The following TRPC4 variants were observed in gnomAD, a reference collection of about 807,000 sequenced individuals.
TRPC4 encodes transient receptor potential cation channel subfamily C member 4, also known as short transient receptor potential channel 4.
A neutral mutation model predicts 99.4 loss-of-function variants in TRPC4; 49 were observed. The observed-to-expected ratio is 0.49, with a 90% CI of 0.39 to 0.63. The LOEUF is 0.63. Ranked by LOEUF, TRPC4 falls within the 20% of genes least tolerant of loss-of-function variation. The probability of loss-of-function intolerance (pLI) is 0.00; values close to 1 mark genes in which losing one functional copy is unlikely to be tolerated. For missense variants in TRPC4, 898 were observed against 1,152.9 expected, an observed-to-expected ratio of 0.78 and a Z score of 3.20; for synonymous variants, 454 against 425.9, an observed-to-expected ratio of 1.07 and a Z score of -0.81.
intron 6 of TRPC4, among the ~76,000 whole-genome samples, chr13:37,655,843 T>C (rs1952211558): frequency 2.0e-5 from 3 of 152,176 alleles, no homozygotes; most frequent in Admixed American, 2.0e-4. Context: ...TGTCAATCTC[T>C]GTCCTAGGGC....
chr13:37,645,382 A>G (rs1246455201), intron 8 of TRPC4, among the ~76,000 whole-genome samples: 1 of 152,132 alleles, frequency 6.6e-6, no homozygotes, highest in African/African-American at 2.4e-5. Context: ...GTGAGCTGTG[A>G]CATTTTGTCA....
At chr13:37,665,862 A>G (rs2138708242) in intron 5 of TRPC4, among the ~76,000 whole-genome samples, 1 of 150,902 alleles carries the variant, frequency 6.6e-6, no homozygotes, top group African/African-American at 2.4e-5. Flanking sequence ...AAAAAAAAAA[A>G]ATACATAAGA....
Position 37,782,964 on chromosome 13 carries a change from C to A in TRPC4, c.370G>T (p.Glu124Ter). Reference protein sequence around the residue: ...LLLNHKKPSGEKQVPPILLDK... With the variant: ...LLLNHKKPSG ...TGTATTTTTGCAGGTACCTGTTTTT[C>A]TCCACTAGGTTTTTTGTGGTTCAAT... Residue 124 changes from glutamate to a stop codon, truncating the protein, a stop_gained, in exon 2 of 11, where the codon GAA becomes TAA. Transcript: ENST00000379705. LOFTEE classifies it high-confidence loss of function. 1 of 1,430,118 alleles carries A rather than the reference C, an allele frequency of 7.0e-7. No individual in the cohort carries two copies. Among genetic ancestry groups the A allele is most frequent in the South Asian group, 1.7e-5 (1 of 57,426 alleles). The allele number at this position is 1,430,118 out of a possible 1,614,324, so 88.6% of individuals were successfully genotyped here.
intron 1 of TRPC4, among the ~76,000 whole-genome samples, chr13:37,820,193 G>A (rs1319312475): frequency 2.6e-5 from 4 of 151,896 alleles, no homozygotes; most frequent in Non-Finnish European, 5.9e-5. Flanking sequence ...AGAAACCCTA[G>A]AAGAAATGGA....
At position 37,637,383 on chromosome 13, in the gene TRPC4, G is replaced by C; in HGVS notation, c.2454C>G (p.Ser818Arg). 1 of 1,613,592 alleles carries C rather than the reference G, an allele frequency of 6.2e-7. No homozygotes were observed. The highest frequency in any genetic ancestry group is 1.3e-5 in the African/African-American group (1 of 74,914). The change falls in exon 11 of 11, where the codon AGC (serine) becomes AGG (arginine). Residue 818 changes from serine to arginine, a missense_variant. Transcript: ENST00000379705. ...AAIASERHNI[S>R]NGSALVVQEP... ...CCTGAACCACCAGGGCAGAGCCATT[G>C]CTTATGTTATGTCTTTCAGAGGCAA...
intron 4 of TRPC4, among the ~76,000 whole-genome samples, chr13:37,684,735 T>A (rs1024314289): frequency 4.0e-5 from 6 of 151,584 alleles, no homozygotes; most frequent in Admixed American, 6.6e-5. Flanking sequence ...CTGAACATTT[T>A]AAAAATAAAT....
At chr13:37,722,586 T>C (rs1220680538) in intron 3 of TRPC4, among the ~76,000 whole-genome samples, 1 of 152,208 alleles carries the variant, frequency 6.6e-6, no homozygotes, top group Non-Finnish European at 1.5e-5. Context: ...GGCCATCAAA[T>C]ACCTTGTTTT....
chr13:37,757,641 AAC>A (rs145156899), intron 2 of TRPC4, among the ~76,000 whole-genome samples: 57 of 150,456 alleles, frequency 3.8e-4, no homozygotes, highest in Admixed American at 1.2e-3. Flanking sequence ...AATAAATCAC[AAC>A]ACACACACAC....
At chr13:37,639,760 T>TAA (rs1951658188) in intron 8 of TRPC4, among the ~76,000 whole-genome samples, 1 of 150,696 alleles carries the variant, frequency 6.6e-6, no homozygotes, top group Non-Finnish European at 1.5e-5. Flanking sequence ...TATATATATA[T>TAA]AATATCAATC....
rs1952037097 is a variant in TRPC4 at position 37,651,370 on chromosome 13, A to G, written c.1974T>C (p.Asn658=). 1.2e-6 allele frequency: 2 copies of G among 1,614,124 alleles called. No homozygotes were observed. Among genetic ancestry groups the G allele is most frequent in the Non-Finnish European group, 8.5e-7 (1 of 1,179,984 alleles). ...AGAGAGACTTGGGGCTCGGGATGAC[A>G]TTGAAGGGAGTAGGCAGAGTACCTC... ...EEGGTLPTPF[N]VIPSPKSLWY... is the part of the protein sequence containing the mutation. Residue 658 remains asparagine, a synonymous_variant, in exon 8 of 11, where the codon AAT becomes AAC. Transcript: ENST00000379705.
chr13:37,779,190 A>G (rs539637583), intron 2 of TRPC4, among the ~76,000 whole-genome samples: 1 of 152,224 alleles, frequency 6.6e-6, no homozygotes, highest in Non-Finnish European at 1.5e-5. Flanking sequence ...GAAGACATCT[A>G]AGCTCTGCTA....
chr13:37,787,295 A>G (rs941937468), intron 1 of TRPC4, among the ~76,000 whole-genome samples: 2 of 152,018 alleles, frequency 1.3e-5, no homozygotes, highest in African/African-American at 4.8e-5. Flanking sequence ...AACAACTCCT[A>G]TTTGTTATTA....
chr13:37,751,269 T>A (rs915110068), intron 2 of TRPC4, among the ~76,000 whole-genome samples: 3 of 152,082 alleles, frequency 2.0e-5, no homozygotes, highest in African/African-American at 7.2e-5. Flanking sequence ...CAGCTCTGCA[T>A]CAGGGTCTAA....
At position 37,675,596 on chromosome 13, in the gene TRPC4, C is replaced by T. The variant is rs2138772958; in HGVS notation, c.1235-1229G>A. On this transcript the variant is annotated intron_variant, in intron 4 of 10. Coordinates refer to ENST00000379705, the MANE Select transcript of TRPC4 (RefSeq NM_016179.4). ...AGAGGCACAGTGTCCTCTCCAGGCT[C>T]CTCTCACCTAAGGAGCAAAACACTT... 1.3e-5 allele frequency among the ~76,000 whole-genome samples: 2 copies of T among 152,294 alleles called. 1 individual carries two copies. The highest frequency in any genetic ancestry group is 4.1e-4 in the South Asian group (2 of 4,826).
At chr13:37,813,971 A>G (rs1957772709) in intron 1 of TRPC4, among the ~76,000 whole-genome samples, 1 of 151,912 alleles carries the variant, frequency 6.6e-6, no homozygotes. Flanking sequence ...CAGTATTAAA[A>G]AATGACTGTA....
chr13:37,819,438 C>A (rs889474427), intron 1 of TRPC4, among the ~76,000 whole-genome samples: 1 of 151,948 alleles, frequency 6.6e-6, no homozygotes, highest in African/African-American at 2.4e-5. Flanking sequence ...AAATGCCCAT[C>A]AATGATAGAC....
intron 3 of TRPC4, among the ~76,000 whole-genome samples, chr13:37,705,042 A>G (rs1007946456): frequency 6.6e-6 from 1 of 152,150 alleles, no homozygotes; most frequent in Non-Finnish European, 1.5e-5. Context: ...ATATGGAATC[A>G]ACCTAACTGT....
At chr13:37,859,465 A>T (rs1474949546) in intron 1 of TRPC4, among the ~76,000 whole-genome samples, 1 of 151,468 alleles carries the variant, frequency 6.6e-6, no homozygotes, top group Non-Finnish European at 1.5e-5. Flanking sequence ...TGATAATAAA[A>T]GAGTAAGAGA....
intron 1 of TRPC4, among the ~76,000 whole-genome samples, chr13:37,805,645 C>CT (rs936130936): frequency 3.9e-5 from 6 of 152,000 alleles, no homozygotes; most frequent in African/African-American, 1.4e-4. Flanking sequence ...GAAGAATATG[C>CT]TTTTTTGTCT....
Sources: gnomAD v4.1 joint callset for allele counts (sites outside exome capture counted in the v4.1 genomes callset) on GRCh38, gnomAD v4.1.1 for gene constraint, MANE v1.5 for transcripts, NCBI Gene and HGNC (gene_info 2026-07-23, HGNC 2026-07-21) for gene names.